The following L3HYPDH variants were observed in gnomAD, a reference collection of about 807,000 sequenced individuals.
L3HYPDH encodes trans-3-hydroxy-L-proline dehydratase.
In L3HYPDH, 32 loss-of-function variants were observed where a neutral mutation model predicts 26.5. The ratio of observed to expected loss-of-function variants is 1.21; its 90% CI spans 0.91 to 1.62. The LOEUF (loss-of-function observed/expected upper bound fraction) is 1.62. L3HYPDH is among the 40% of genes most tolerant of loss of function. The probability of loss-of-function intolerance (pLI) is 0.00; values close to 1 mark genes in which losing one functional copy is unlikely to be tolerated. For missense variants in L3HYPDH, 554 were observed against 476.4 expected, an observed-to-expected ratio of 1.16 and a Z score of -1.52; for synonymous variants, 215 against 196.6, an observed-to-expected ratio of 1.09 and a Z score of -0.78.
At position 59,484,321 on chromosome 14, in the gene L3HYPDH, T is replaced by C; in HGVS notation, c.-5A>G. The C allele has an allele frequency of 6.3e-7, 1 of 1,580,852 alleles. No homozygotes were observed. On this transcript the variant is annotated 5_prime_UTR_variant, in exon 1 of 5. Transcript: ENST00000247194. ...CACCGCCAGCGCGCTCTCCATGGTC[T>C]GCGTCGGGGGAGACGAGTACGGTCC...
At chr14:59,498,831 G>T in the L3HYPDH span, 3 of 1,612,514 alleles carry the variant, frequency 1.9e-6, no homozygotes, top group Non-Finnish European at 2.5e-6. Flanking sequence ...AAATCTGATC[G>T]ATTTAAAAGT....
upstream of L3HYPDH, chr14:59,484,595 T>G (rs1395375806): frequency 6.3e-7 from 1 of 1,578,700 alleles, no homozygotes; most frequent in Non-Finnish European, 8.6e-7. Context: ...GGCCCATGGG[T>G]GAGTGGTCGC....
the L3HYPDH span, among the ~76,000 whole-genome samples, chr14:59,497,803 C>T: frequency 6.6e-6 from 1 of 152,152 alleles, no homozygotes. Context: ...ATCATAGGAA[C>T]ACAGGATTAT....
chr14:59,480,348 G>A (rs1341832238), intron 1 of L3HYPDH, among the ~76,000 whole-genome samples: 1 of 152,208 alleles, frequency 6.6e-6, no homozygotes, highest in African/African-American at 2.4e-5. Flanking sequence ...AGAAACAGAG[G>A]ATGGGGAGGC....
Position 59,483,971 on chromosome 14 carries a change from A to G in L3HYPDH, c.346T>C (p.Leu116=). 6.4e-7 allele frequency: 1 copy of G among 1,573,484 alleles called. No homozygotes were observed. Among genetic ancestry groups the G allele is most frequent in the Non-Finnish European group, 8.6e-7 (1 of 1,165,344 alleles). ...HAVLALGRFA[L]DFGLVPAPPA... is the part of the protein sequence containing the mutation. ...GGCGCCGGCACAAGCCCGAAGTCCA[A>G]AGCGAAGCGGCCCAGCGCCAGCACT... is the stretch of plus-strand genomic sequence containing the variant. The change falls in exon 1 of 5, where the codon TTG becomes CTG. Residue 116 remains leucine (L), a synonymous_variant. Transcript: ENST00000247194.
upstream of L3HYPDH, chr14:59,485,088 A>G (rs781566810): frequency 6.3e-6 from 10 of 1,598,366 alleles, no homozygotes; most frequent in Admixed American, 8.3e-5. Context: ...GAGAAATTCA[A>G]CAGTCGCTTG....
upstream of L3HYPDH, chr14:59,484,534 T>C (rs770760295): frequency 1.3e-6 from 2 of 1,558,748 alleles, no homozygotes; most frequent in Non-Finnish European, 1.7e-6. Context: ...GGATGTTCGG[T>C]GCAGCTGCCA....
chr14:59,488,686 A>G (rs1385847647), upstream of L3HYPDH, among the ~76,000 whole-genome samples: 1 of 152,160 alleles, frequency 6.6e-6, no homozygotes, highest in Non-Finnish European at 1.5e-5. Context: ...TGGGAAGTCA[A>G]ATTCTGCCTT....
chr14:59,481,919 C>A (rs1389449860), intron 1 of L3HYPDH, among the ~76,000 whole-genome samples: 1 of 152,158 alleles, frequency 6.6e-6, no homozygotes, highest in Non-Finnish European at 1.5e-5. Flanking sequence ...GAGTTCCTGG[C>A]ACAGATTAGG....
chr14:59,469,654 G>A (rs879839617), downstream of L3HYPDH, among the ~76,000 whole-genome samples: 3 of 150,786 alleles, frequency 2.0e-5, no homozygotes, highest in Non-Finnish European at 4.4e-5. Flanking sequence ...CACCTCAGGA[G>A]CATCAACAAA....
the L3HYPDH span, among the ~76,000 whole-genome samples, chr14:59,497,962 A>G: frequency 6.6e-6 from 1 of 152,194 alleles, no homozygotes; most frequent in Non-Finnish European, 1.5e-5. Context: ...TTAAGGTAGA[A>G]CTATGTGGAT....
chr14:59,468,609 G>A (rs754578595), downstream of L3HYPDH, among the ~76,000 whole-genome samples: 1 of 152,100 alleles, frequency 6.6e-6, no homozygotes, highest in Non-Finnish European at 1.5e-5. Context: ...ACATAACCAT[G>A]GTCTATAATT....
chr14:59,478,579 T>A (rs374470775), intron 2 of L3HYPDH: 1 of 152,310 alleles, frequency 6.6e-6, no homozygotes, highest in African/African-American at 2.4e-5. Flanking sequence ...AGCAAGACCC[T>A]GTCTCAAAAA....
chr14:59,504,304 C>T, the L3HYPDH span: 321 of 486,550 alleles, frequency 6.6e-4, 2 homozygotes, highest in African/African-American at 5.8e-3. Context: ...ACTGGAAGGC[C>T]GCTAGGAAGC....
At chr14:59,494,374 G>A in the L3HYPDH span, among the ~76,000 whole-genome samples, 2 of 152,014 alleles carry the variant, frequency 1.3e-5, no homozygotes, top group Non-Finnish European at 2.9e-5. Flanking sequence ...ACACAATAGC[G>A]AAAATGACTG....
the L3HYPDH span, chr14:59,503,914 C>G: frequency 6.2e-7 from 1 of 1,613,482 alleles, no homozygotes; most frequent in Non-Finnish European, 8.5e-7. Flanking sequence ...CCACTGGTTA[C>G]TTCATGCCTA....
downstream of L3HYPDH, among the ~76,000 whole-genome samples, chr14:59,470,749 A>G (rs1889288047): frequency 6.6e-6 from 1 of 152,142 alleles, no homozygotes; most frequent in African/African-American, 2.4e-5. Context: ...GCCAGATTGC[A>G]GTAGTTGAAT....
At chr14:59,502,755 T>TGTTGTTTTTTTGTTTTTTTG in the L3HYPDH span, among the ~76,000 whole-genome samples, 1 of 122,918 alleles carries the variant, frequency 8.1e-6, no homozygotes, top group African/African-American at 3.0e-5. Context: ...ATGAGATTTT[T>TGTTGTTTTTTTGTTTTTTTG]TTTTTTTTTT....
intron 1 of L3HYPDH, among the ~76,000 whole-genome samples, chr14:59,465,900 G>C (rs897728672): frequency 1.3e-5 from 2 of 152,176 alleles, no homozygotes; most frequent in Non-Finnish European, 1.5e-5. Context: ...AATATGTCTG[G>C]GGAAGTACCC....
Sources: allele counts gnomAD v4.1 joint callset (sites outside exome capture counted in the v4.1 genomes callset), GRCh38; gene constraint gnomAD v4.1.1; transcripts MANE v1.5; gene names NCBI Gene and HGNC (gene_info 2026-07-23, HGNC 2026-07-21).